The following SSBP3 variants were observed in gnomAD, a reference collection of about 807,000 sequenced individuals.
SSBP3 encodes single stranded DNA binding protein 3.
SSBP3 carries 5 observed loss-of-function variants against 69.6 expected under a neutral mutation model. The observed-to-expected ratio is 0.07, with a 90% CI of 0.04 to 0.15. The LOEUF is 0.15. Among genes scored for constraint, SSBP3 ranks in the 10% least tolerant of loss-of-function variants. The pLI is 1.00. For synonymous variants in SSBP3, 196 were observed against 193.4 expected, an observed-to-expected ratio of 1.01 and a Z score of -0.11; for missense variants, 312 against 534.0, an observed-to-expected ratio of 0.58 and a Z score of 4.10.
intron 4 of SSBP3, among the ~76,000 whole-genome samples, chr1:54,391,797 G>A (rs1275395282): frequency 6.6e-6 from 1 of 152,172 alleles, no homozygotes; most frequent in Admixed American, 6.5e-5. Context: ...GGTCAGACAG[G>A]ATGCCTTACG....
chr1:54,344,676 T>C (rs1216196108), intron 4 of SSBP3, among the ~76,000 whole-genome samples: 1 of 152,080 alleles, frequency 6.6e-6, no homozygotes, highest in Non-Finnish European at 1.5e-5. Flanking sequence ...TTTTCTGTTT[T>C]TGTGGGTGGG....
At chr1:54,245,265 G>A (rs1644713103) in intron 9 of SSBP3, among the ~76,000 whole-genome samples, 1 of 86,818 alleles carries the variant, frequency 1.2e-5, no homozygotes, top group South Asian at 5.1e-4. Flanking sequence ...GGCTGGGATT[G>A]TTCCCACTTC....
At chr1:54,366,988 C>G (rs754900097) in intron 4 of SSBP3, among the ~76,000 whole-genome samples, 1 of 152,154 alleles carries the variant, frequency 6.6e-6, no homozygotes, top group Non-Finnish European at 1.5e-5. Flanking sequence ...CCGAATCCCT[C>G]GTGCTGGAAA....
intron 9 of SSBP3, among the ~76,000 whole-genome samples, chr1:54,243,581 C>T (rs962782602): frequency 6.6e-6 from 1 of 152,228 alleles, no homozygotes; most frequent in African/African-American, 2.4e-5. Flanking sequence ...CAAGCCGCTG[C>T]CCTCTCTGGG....
intron 5 of SSBP3, among the ~76,000 whole-genome samples, chr1:54,274,712 C>T (rs547889914): frequency 3.9e-5 from 6 of 152,278 alleles, no homozygotes; most frequent in East Asian, 1.9e-4. Context: ...ACTGGCCAGC[C>T]GGCCAAGGGC....
chr1:54,262,866 A>G (rs1405487327), intron 5 of SSBP3, among the ~76,000 whole-genome samples: 1 of 152,184 alleles, frequency 6.6e-6, no homozygotes, highest in African/African-American at 2.4e-5. Context: ...CCCACTCCTG[A>G]ATCTGGGAAA....
chr1:54,407,059 C>T (rs905299278), upstream of SSBP3, among the ~76,000 whole-genome samples: 28 of 152,084 alleles, frequency 1.8e-4, no homozygotes, highest in Non-Finnish European at 2.9e-4. Flanking sequence ...GGCGCCGAGG[C>T]GCGCGGCTGC....
chr1:54,288,406 G>T (rs1374615383), intron 4 of SSBP3, among the ~76,000 whole-genome samples: 1 of 152,172 alleles, frequency 6.6e-6, no homozygotes, highest in Non-Finnish European at 1.5e-5. Context: ...GCCACGTATA[G>T]ACAACAAAAG....
At chr1:54,248,945 C>T (rs773270381) in intron 9 of SSBP3, among the ~76,000 whole-genome samples, 2 of 152,166 alleles carry the variant, frequency 1.3e-5, no homozygotes, top group African/African-American at 4.8e-5. Flanking sequence ...TAAATAAAGA[C>T]GGGTGAGCCT....
In SSBP3 at chr1:54,313,035, T is replaced by C. The variant is rs1399329164; in HGVS notation, c.277-31508A>G. Among the ~76,000 whole-genome samples the C allele has an allele frequency of 4.0e-5, 6 of 150,444 alleles. No homozygotes were observed. In the South Asian group the frequency reaches 1.3e-3, roughly 32 times the overall value. On this transcript the variant is annotated intron_variant, in intron 4 of 17. Transcript: ENST00000610401. ...GTGCCTGGAGCTTTTTTTTTTTTTTTTTTTTCCATTGAGCAGGAAGTGTTC... is the reference window on the plus strand; with the variant it reads ...GTGCCTGGAGCTTTTTTTTTTTTTTCTTTTTCCATTGAGCAGGAAGTGTTC...
chr1:54,362,573 C>T (rs1163023145), intron 4 of SSBP3, among the ~76,000 whole-genome samples: 2 of 152,330 alleles, frequency 1.3e-5, no homozygotes, highest in East Asian at 1.9e-4. Context: ...TGGGCTCCTC[C>T]GGGCAGCCCC....
intron 4 of SSBP3, among the ~76,000 whole-genome samples, chr1:54,321,952 G>A (rs1482353780): frequency 6.6e-6 from 1 of 152,148 alleles, no homozygotes; most frequent in Non-Finnish European, 1.5e-5. Context: ...ACTGAAAGCT[G>A]GTTGGAAGAA....
At chr1:54,412,196 G>A (rs1383455176) in intron 1 of SSBP3, among the ~76,000 whole-genome samples, 2 of 151,936 alleles carry the variant, frequency 1.3e-5, no homozygotes, top group South Asian at 2.1e-4. Context: ...AGGCGTGGTG[G>A]CCTGTGCCTG....
intron 5 of SSBP3, among the ~76,000 whole-genome samples, chr1:54,273,585 G>A (rs1474882392): frequency 6.6e-6 from 1 of 152,232 alleles, no homozygotes; most frequent in African/African-American, 2.4e-5. Context: ...GCAAAAAAAG[G>A]CTTTCTTCCC....
At chr1:54,290,303 T>TA (rs1261261725) in intron 4 of SSBP3, among the ~76,000 whole-genome samples, 1 of 152,094 alleles carries the variant, frequency 6.6e-6, no homozygotes, top group African/African-American at 2.4e-5. Flanking sequence ...ATAGGGAACT[T>TA]AAACATGACC....
At chr1:54,269,064 C>T (rs1042840498) in intron 5 of SSBP3, among the ~76,000 whole-genome samples, 5 of 152,152 alleles carry the variant, frequency 3.3e-5, no homozygotes, top group Admixed American at 6.5e-5. Flanking sequence ...AGCTGTGGCT[C>T]GGAATCTGCC....
chr1:54,357,326 C>T (rs538404015), intron 4 of SSBP3, among the ~76,000 whole-genome samples: 1 of 152,110 alleles, frequency 6.6e-6, no homozygotes, highest in Non-Finnish European at 1.5e-5. Flanking sequence ...TCCACACCCC[C>T]ACTCCTGACA....
At chr1:54,343,309 A>C (rs1646639762) in intron 4 of SSBP3, among the ~76,000 whole-genome samples, 1 of 152,228 alleles carries the variant, frequency 6.6e-6, no homozygotes, top group South Asian at 2.1e-4. Flanking sequence ...GCCCTGGACA[A>C]GTCACTTCAT....
chr1:54,267,033 C>T (rs1046946108), intron 5 of SSBP3, among the ~76,000 whole-genome samples: 6 of 152,190 alleles, frequency 3.9e-5, no homozygotes, highest in African/African-American at 1.4e-4. Context: ...GAGCTTGAAT[C>T]CCAGCCTTGA....
Sources: gnomAD v4.1 joint callset for allele counts (sites outside exome capture counted in the v4.1 genomes callset) on GRCh38, gnomAD v4.1.1 for gene constraint, MANE v1.5 for transcripts, NCBI Gene and HGNC (gene_info 2026-07-23, HGNC 2026-07-21) for gene names.